BCAS3: variants seen among roughly 807,000 people sequenced by gnomAD.
The protein encoded by BCAS3 is BCAS3 microtubule associated cell migration factor.
A neutral mutation model predicts 116.1 loss-of-function variants in BCAS3; 53 were observed. The ratio of observed to expected loss-of-function variants is 0.46; its 90% CI spans 0.37 to 0.57. BCAS3 has a LOEUF of 0.57. BCAS3 is among the 20% of genes least tolerant of loss of function. BCAS3 has a pLI of 0.00. For synonymous variants in BCAS3, 391 were observed against 408.2 expected, an observed-to-expected ratio of 0.96 and a Z score of 0.51; for missense variants, 917 against 1,165.4, an observed-to-expected ratio of 0.79 and a Z score of 3.10.
At chr17:60,981,190 A>G (rs1356826897) in intron 14 of BCAS3, among the ~76,000 whole-genome samples, 1 of 152,160 alleles carries the variant, frequency 6.6e-6, no homozygotes, top group Non-Finnish European at 1.5e-5. Flanking sequence ...TGATTTGTCT[A>G]CTTTGACTTG....
chr17:60,900,283 C>T (rs560802025), intron 10 of BCAS3: 186 of 152,172 alleles, frequency 1.2e-3, no homozygotes, highest in Non-Finnish European at 1.9e-3. Flanking sequence ...AGTACAAGCT[C>T]CCTCCCTGGA....
intron 5 of BCAS3, among the ~76,000 whole-genome samples, chr17:60,731,610 C>T (rs550761437): frequency 1.3e-5 from 2 of 152,024 alleles, no homozygotes; most frequent in African/African-American, 4.8e-5. Context: ...TACCTTTTAT[C>T]CTTGATTTTT....
chr17:61,246,792 AGT>A (rs61382195), intron 22 of BCAS3, among the ~76,000 whole-genome samples: 60,991 of 143,964 alleles, frequency 0.42, 13,188 homozygotes, highest in East Asian at 0.71. Flanking sequence ...TTTGAGTGAG[AGT>A]GTGTGTGTGT....
chr17:60,970,699 T>C (rs2061910547), intron 14 of BCAS3, among the ~76,000 whole-genome samples: 1 of 152,208 alleles, frequency 6.6e-6, no homozygotes. Flanking sequence ...TTTTGGGCTG[T>C]ATGATAAAAA....
At chr17:60,704,383 T>G (rs1363310254) in intron 4 of BCAS3, among the ~76,000 whole-genome samples, 5 of 152,210 alleles carry the variant, frequency 3.3e-5, no homozygotes, top group African/African-American at 7.2e-5. Flanking sequence ...TCTATAATGC[T>G]GCTAACCCCT....
chr17:60,904,020 T>A (rs1255065619), intron 11 of BCAS3, among the ~76,000 whole-genome samples: 2 of 152,222 alleles, frequency 1.3e-5, no homozygotes, highest in Non-Finnish European at 2.9e-5. Flanking sequence ...GCTATTCTTA[T>A]GTGTTTATGT....
intron 10 of BCAS3, chr17:60,891,827 C>T: frequency 2.3e-6 from 1 of 439,510 alleles, no homozygotes; most frequent in South Asian, 1.6e-5. Flanking sequence ...TTGGAGTCCC[C>T]ACTGCCTATT....
At position 61,139,648 on chromosome 17, in the gene BCAS3, T is replaced by C. The variant is rs2076819776; in HGVS notation, c.2425+55084T>C. ...TGTTTCCTAGAACTCATACATGCAG[T>C]ATAGTTCAGTGCGATTAAAAGTCAT... On this transcript the variant is annotated intron_variant, in intron 22 of 23. Transcript: ENST00000407086. The surrounding 1 kb of genome is among the most constrained non-coding windows in gnomAD (Gnocchi z 4.7). 1.3e-5 allele frequency among the ~76,000 whole-genome samples: 2 copies of C among 152,178 alleles called. No homozygotes were observed. Among genetic ancestry groups the C allele is most frequent in the Non-Finnish European group, 2.9e-5 (2 of 68,024 alleles).
At chr17:60,881,570 C>T (rs921324255) in intron 9 of BCAS3, among the ~76,000 whole-genome samples, 4 of 148,922 alleles carry the variant, frequency 2.7e-5, no homozygotes, top group African/African-American at 7.4e-5. Context: ...AGGTATATCT[C>T]GCAGTGCTAT....
intron 22 of BCAS3, among the ~76,000 whole-genome samples, chr17:61,194,758 AG>A (rs1325524253): frequency 8.6e-5 from 13 of 150,972 alleles, no homozygotes; most frequent in African/African-American, 3.2e-4. Context: ...AAAAAAAAAA[AG>A]ATATACTAAC....
At chr17:61,164,282 G>C (rs1369840506) in intron 22 of BCAS3, among the ~76,000 whole-genome samples, 1 of 151,954 alleles carries the variant, frequency 6.6e-6, no homozygotes, top group East Asian at 1.9e-4. Flanking sequence ...CATGTGCTAT[G>C]GTTTCAATAT....
intron 14 of BCAS3, among the ~76,000 whole-genome samples, chr17:60,969,466 T>C (rs1015236489): frequency 2.6e-5 from 4 of 152,114 alleles, no homozygotes; most frequent in African/African-American, 9.7e-5. Flanking sequence ...TTTGAGTGAG[T>C]AAATGAATTT....
In BCAS3 at chr17:60,962,716, C is replaced by A. The variant is rs996415161; in HGVS notation, c.1221+15364C>A. Among the ~76,000 whole-genome samples, 1 of 152,032 alleles carries A rather than the reference C, an allele frequency of 6.6e-6. No homozygotes were observed. Among genetic ancestry groups the A allele is most frequent in the African/African-American group, 2.4e-5 (1 of 41,418 alleles). On this transcript the variant is annotated intron_variant, in intron 14 of 23. Transcript: ENST00000407086. This position sits in a 1 kb window ranked among gnomAD's most constrained non-coding sequence, Gnocchi z 4.4. ...TGTTTCTTCACTTTGTTGATTATTT[C>A]TTTTGCTGTGTAGAAGCTTCTTAGC...
At chr17:60,872,362 C>T (rs1281616922) in intron 8 of BCAS3, among the ~76,000 whole-genome samples, 7 of 150,530 alleles carry the variant, frequency 4.7e-5, no homozygotes, top group Non-Finnish European at 1.0e-4. Context: ...CCATATATAT[C>T]TGAATGTATA....
intron 22 of BCAS3, among the ~76,000 whole-genome samples, chr17:61,182,081 C>T (rs547697307): frequency 2.6e-5 from 4 of 152,142 alleles, no homozygotes; most frequent in Non-Finnish European, 5.9e-5. Flanking sequence ...TACTGTTTTG[C>T]CCTGTTGGTC....
chr17:61,245,810 G>GA (rs11454334), intron 22 of BCAS3, among the ~76,000 whole-genome samples: 17,480 of 151,048 alleles, frequency 0.12, 1,143 homozygotes, highest in South Asian at 0.2. Flanking sequence ...CTCATTGAAA[G>GA]AAAAAAAAAG....
intron 14 of BCAS3, among the ~76,000 whole-genome samples, chr17:60,979,890 C>T (rs1172439719): frequency 2.6e-5 from 4 of 151,794 alleles, no homozygotes; most frequent in Admixed American, 6.6e-5. Context: ...CTGCTGGATT[C>T]GGTTTGCCAG....
intron 14 of BCAS3, among the ~76,000 whole-genome samples, chr17:60,984,040 G>A (rs995514424): frequency 6.6e-6 from 1 of 152,144 alleles, no homozygotes; most frequent in African/African-American, 2.4e-5. Context: ...AACACTTCTG[G>A]AATAACTATT....
chr17:61,178,686 T>C (rs1271573824), intron 22 of BCAS3, among the ~76,000 whole-genome samples: 2 of 152,200 alleles, frequency 1.3e-5, no homozygotes, highest in Non-Finnish European at 2.9e-5. Context: ...AGCTGGGTAA[T>C]TGACATAACT....
Sources: gnomAD v4.1 joint callset for allele counts (sites outside exome capture counted in the v4.1 genomes callset) on GRCh38, gnomAD v4.1.1 for gene constraint, Gnocchi (gnomAD v3.1) non-coding constraint, MANE v1.5 for transcripts, NCBI Gene and HGNC (gene_info 2026-07-23, HGNC 2026-07-21) for gene names.